Variants in IGFL2 observed in about 807,000 individuals in gnomAD.
IGFL2 encodes the protein IGF like family member 2, also known as insulin growth factor-like family member 2.
IGFL2 carries 7 observed loss-of-function variants against 13.9 expected under a neutral mutation model. That is an observed-to-expected ratio of 0.51 (90% CI 0.29 to 0.95). The LOEUF is 0.95. Ranked by LOEUF, IGFL2 falls within the 40% of genes least tolerant of loss-of-function variation. The probability of loss-of-function intolerance (pLI) is 0.08; values close to 1 mark genes in which losing one functional copy is unlikely to be tolerated. For synonymous variants in IGFL2, 55 were observed against 55.8 expected (o/e 0.99, Z 0.07); for missense variants, 138 against 147.8 (o/e 0.93, Z 0.34).
the IGFL2 span, among the ~76,000 whole-genome samples, chr19:46,185,271 G>A: frequency 6.6e-6 from 1 of 151,932 alleles, no homozygotes; most frequent in Non-Finnish European, 1.5e-5. Flanking sequence ...CTTCTTCTCT[G>A]GGCAGCTGCT....
At chr19:46,112,543 G>A in the IGFL2 span, among the ~76,000 whole-genome samples, 8 of 152,208 alleles carry the variant, frequency 5.3e-5, no homozygotes, top group African/African-American at 1.2e-4. Flanking sequence ...GCCTGGAGGC[G>A]AAACCAGTAC....
the IGFL2 span, among the ~76,000 whole-genome samples, chr19:46,205,163 G>C: frequency 6.6e-6 from 1 of 152,192 alleles, no homozygotes; most frequent in Non-Finnish European, 1.5e-5. Flanking sequence ...AGATAGTGAA[G>C]GTAAGAAAGT....
the IGFL2 span, among the ~76,000 whole-genome samples, chr19:46,079,561 A>T: frequency 3.1e-4 from 47 of 152,232 alleles, no homozygotes; most frequent in African/African-American, 1.0e-3. Context: ...TCCCCCAGCC[A>T]GCCACCCGAG....
the IGFL2 span, among the ~76,000 whole-genome samples, chr19:46,182,365 TAAAA>T: frequency 3.8e-5 from 3 of 78,686 alleles, no homozygotes; most frequent in Admixed American, 1.4e-4. Context: ...AGACTTTGCC[TAAAA>T]AAAAAAAAAA....
At chr19:46,133,125 C>T in the IGFL2 span, among the ~76,000 whole-genome samples, 3 of 152,100 alleles carry the variant, frequency 2.0e-5, no homozygotes, top group African/African-American at 7.2e-5. Flanking sequence ...AGCTGCTTGT[C>T]AGCCGTGAAG....
the IGFL2 span, among the ~76,000 whole-genome samples, chr19:46,128,528 A>G: frequency 1.3e-5 from 2 of 152,256 alleles, no homozygotes; most frequent in Middle Eastern, 3.4e-3. Flanking sequence ...TTCAATACCT[A>G]GTTTATTGAG....
At chr19:46,135,337 CT>C in the IGFL2 span, among the ~76,000 whole-genome samples, 1 of 152,146 alleles carries the variant, frequency 6.6e-6, no homozygotes, top group Non-Finnish European at 1.5e-5. Context: ...GCCCTCCCAA[CT>C]GGGATAGTGC....
At chr19:46,183,033 G>A in the IGFL2 span, among the ~76,000 whole-genome samples, 1,237 of 152,200 alleles carry the variant, frequency 8.1e-3, 11 homozygotes, top group Middle Eastern at 0.027. Context: ...CTGAGATTGG[G>A]TAATTTATAA....
At chr19:46,124,407 G>A in the IGFL2 span, 1 of 1,435,266 alleles carries the variant, frequency 7.0e-7, no homozygotes, top group South Asian at 1.2e-5. Flanking sequence ...ACAGAGGTTA[G>A]GGTGGTTTAA....
At chr19:46,102,853 C>A in the IGFL2 span, among the ~76,000 whole-genome samples, 1 of 151,978 alleles carries the variant, frequency 6.6e-6, no homozygotes, top group Non-Finnish European at 1.5e-5. Flanking sequence ...AGATAATGGG[C>A]AATTTTTCTC....
chr19:46,180,885 C>T, the IGFL2 span, among the ~76,000 whole-genome samples: 1 of 152,158 alleles, frequency 6.6e-6, no homozygotes, highest in African/African-American at 2.4e-5. Flanking sequence ...TTGACTCATT[C>T]CGTTTTCTTT....
the IGFL2 span, chr19:46,202,835 C>T: frequency 1.2e-4 from 18 of 152,348 alleles, no homozygotes; most frequent in Admixed American, 1.0e-3. Flanking sequence ...AAAGAGGCTA[C>T]TTACCCGATT....
chr19:46,158,978 A>G (rs2146879680), intron 1 of IGFL2: 1 of 152,220 alleles, frequency 6.6e-6, no homozygotes, highest in African/African-American at 2.4e-5. Flanking sequence ...TTACCTTGTG[A>G]TTTTGTTTAT....
chr19:46,191,000 ACCATCC>A, the IGFL2 span, among the ~76,000 whole-genome samples: 3 of 152,102 alleles, frequency 2.0e-5, no homozygotes, highest in Non-Finnish European at 4.4e-5. Flanking sequence ...CTCAGTATGC[ACCATCC>A]CCACAATGCC....
the IGFL2 span, chr19:46,113,631 TG>T: frequency 3.9e-6 from 1 of 256,160 alleles, no homozygotes. Flanking sequence ...GAGAGCTTTC[TG>T]GGAGCTGTAT....
At chr19:46,205,603 TGAGAGAGA>T in the IGFL2 span, among the ~76,000 whole-genome samples, 4 of 150,406 alleles carry the variant, frequency 2.7e-5, no homozygotes, top group Non-Finnish European at 3.0e-5. Flanking sequence ...ATTCAGGTGC[TGAGAGAGA>T]GAGAGAGAGC....
chr19:46,150,695 G>A (rs565479701), intron 1 of IGFL2, among the ~76,000 whole-genome samples: 1 of 152,028 alleles, frequency 6.6e-6, no homozygotes, highest in African/African-American at 2.4e-5. Flanking sequence ...TTAAGAGGCA[G>A]GGTCTCACTC....
chr19:46,096,238 C>A, the IGFL2 span, among the ~76,000 whole-genome samples: 4 of 152,026 alleles, frequency 2.6e-5, no homozygotes, highest in African/African-American at 9.7e-5. Context: ...TTCTTCACAT[C>A]CCTTGTTAGC....
chr19:46,108,475 C>T, the IGFL2 span, among the ~76,000 whole-genome samples: 2 of 152,024 alleles, frequency 1.3e-5, no homozygotes, highest in Non-Finnish European at 2.9e-5. Flanking sequence ...GGTTTTAGGT[C>T]AGGTGAGAGT....
Sources: gnomAD v4.1 joint callset for allele counts (sites outside exome capture counted in the v4.1 genomes callset) on GRCh38, gnomAD v4.1.1 for gene constraint, MANE v1.5 for transcripts, NCBI Gene and HGNC (gene_info 2026-07-23, HGNC 2026-07-21) for gene names.